FHIP1A: variants seen among roughly 807,000 people sequenced by gnomAD.
FHIP1A encodes the protein FHF complex subunit HOOK-interacting protein 1A.
FHIP1A carries 61 observed loss-of-function variants against 88.6 expected under a neutral mutation model. That is an observed-to-expected ratio of 0.69 (90% confidence interval 0.56 to 0.85). The LOEUF is 0.85. Among genes scored for constraint, FHIP1A ranks in the 40% least tolerant of loss-of-function variants. FHIP1A has a pLI of 0.00. For synonymous variants in FHIP1A, 478 were observed against 496.0 expected, an observed-to-expected ratio of 0.96 and a Z score of 0.48; for missense variants, 1,154 against 1,273.5, an observed-to-expected ratio of 0.91 and a Z score of 1.43.
chr4:151,658,029 G>C (rs933969474), intron 13 of FHIP1A, among the ~76,000 whole-genome samples: 1 of 152,186 alleles, frequency 6.6e-6, no homozygotes, highest in African/African-American at 2.4e-5. Flanking sequence ...TGAAAGAAAG[G>C]TAGGCCATGT....
intron 2 of FHIP1A, among the ~76,000 whole-genome samples, chr4:151,460,752 A>G (rs1729118712): frequency 6.6e-6 from 1 of 152,220 alleles, no homozygotes; most frequent in Non-Finnish European, 1.5e-5. Flanking sequence ...TGAAGAATTT[A>G]AGATCATGAT....
At chr4:151,478,889 G>A (rs1471598037) in intron 2 of FHIP1A, among the ~76,000 whole-genome samples, 1 of 152,034 alleles carries the variant, frequency 6.6e-6, no homozygotes, top group East Asian at 1.9e-4. Flanking sequence ...TATTCTTGGT[G>A]TATTTCTAAG....
At chr4:151,432,722 A>G (rs1263040350) in intron 1 of FHIP1A, among the ~76,000 whole-genome samples, 1 of 152,120 alleles carries the variant, frequency 6.6e-6, no homozygotes, top group Non-Finnish European at 1.5e-5. Flanking sequence ...CTCATGAGGA[A>G]ACTGAGGGAT....
chr4:151,434,441 T>C (rs1206340056), intron 1 of FHIP1A, among the ~76,000 whole-genome samples: 1 of 152,198 alleles, frequency 6.6e-6, no homozygotes, highest in African/African-American at 2.4e-5. Context: ...AACTTTTCTT[T>C]GATAGCTTTA....
intron 1 of FHIP1A, among the ~76,000 whole-genome samples, chr4:151,448,644 C>T (rs564414735): frequency 6.6e-6 from 1 of 152,256 alleles, no homozygotes; most frequent in East Asian, 1.9e-4. Context: ...GAATTTTCTT[C>T]CTTCTTGATG....
intron 7 of FHIP1A, among the ~76,000 whole-genome samples, chr4:151,599,859 G>GA (rs1734795962): frequency 6.6e-6 from 1 of 152,164 alleles, no homozygotes; most frequent in African/African-American, 2.4e-5. Context: ...TTATTATAGA[G>GA]ACCTCTTTCC....
intron 2 of FHIP1A, among the ~76,000 whole-genome samples, chr4:151,478,897 A>G (rs910490819): frequency 1.3e-5 from 2 of 152,092 alleles, no homozygotes; most frequent in African/African-American, 4.8e-5. Context: ...GTGTATTTCT[A>G]AGATACTTGT....
At position 151,524,877 on chromosome 4, in the gene FHIP1A, A is replaced by C. The variant is rs1580666814; in HGVS notation, c.-122-41261A>C. ...AGTGTTGCCTGTTCGACATGTAGAA[A>C]CTTGAGGCTCTTTGGTTTTGAACTA... On this transcript the variant is annotated intron_variant, in intron 3 of 13. Transcript: ENST00000435205. 3.3e-5 allele frequency among the ~76,000 whole-genome samples: 5 copies of C among 152,304 alleles called. No homozygotes were observed. The South Asian group carries it at 1.0e-3, about 32-fold the overall frequency.
At chr4:151,453,625 C>T (rs1056266542) in intron 1 of FHIP1A, among the ~76,000 whole-genome samples, 17 of 152,122 alleles carry the variant, frequency 1.1e-4, no homozygotes, top group Admixed American at 2.0e-4. Context: ...AACCTGATTT[C>T]GGATCACCTG....
intron 7 of FHIP1A, among the ~76,000 whole-genome samples, chr4:151,615,393 C>T (rs1293451134): frequency 6.6e-6 from 1 of 152,178 alleles, no homozygotes; most frequent in East Asian, 1.9e-4. Context: ...TAATACCTAC[C>T]TACCATTTTA....
intron 7 of FHIP1A, among the ~76,000 whole-genome samples, chr4:151,620,812 T>C (rs745686137): frequency 2.0e-5 from 3 of 149,382 alleles, no homozygotes; most frequent in African/African-American, 4.9e-5. Context: ...TACCAAACGA[T>C]TGGGTTCTTA....
intron 1 of FHIP1A, 99 bp from the exon 2 acceptor site, chr4:151,454,602 A>G (rs1728905753): frequency 6.6e-6 from 1 of 152,192 alleles, no homozygotes; most frequent in African/African-American, 2.4e-5. Context: ...GTTGAGGCAA[A>G]TTAGGCCTTA....
At chr4:151,572,068 G>A (rs1476931018) in intron 4 of FHIP1A, among the ~76,000 whole-genome samples, 4 of 152,188 alleles carry the variant, frequency 2.6e-5, no homozygotes, top group African/African-American at 9.7e-5. Flanking sequence ...TTAGCCAGGT[G>A]TGGTGGCACA....
intron 3 of FHIP1A, among the ~76,000 whole-genome samples, chr4:151,559,819 A>G (rs1733101570): frequency 1.3e-5 from 2 of 152,306 alleles, no homozygotes; most frequent in South Asian, 4.2e-4. Flanking sequence ...GTCAGACTCC[A>G]TGATATCTGT....
intron 2 of FHIP1A, among the ~76,000 whole-genome samples, chr4:151,469,106 CA>C (rs1338067637): frequency 6.6e-6 from 1 of 152,164 alleles, no homozygotes; most frequent in Non-Finnish European, 1.5e-5. Flanking sequence ...CCTCTTCCCT[CA>C]AAAAAGCTGA....
intron 1 of FHIP1A, among the ~76,000 whole-genome samples, chr4:151,427,113 A>T (rs1733409732): frequency 6.6e-6 from 1 of 152,182 alleles, no homozygotes; most frequent in African/African-American, 2.4e-5. Flanking sequence ...CCTAAACTTT[A>T]GTACCTTAAT....
intron 1 of FHIP1A, among the ~76,000 whole-genome samples, chr4:151,422,704 A>G (rs1191427608): frequency 1.3e-5 from 2 of 152,152 alleles, no homozygotes; most frequent in African/African-American, 4.8e-5. Context: ...GACACTTTTC[A>G]GTGGAGGTAC....
At chr4:151,567,933 G>A (rs1733451504) in intron 4 of FHIP1A, among the ~76,000 whole-genome samples, 1 of 152,064 alleles carries the variant, frequency 6.6e-6, no homozygotes, top group Non-Finnish European at 1.5e-5. Flanking sequence ...TTATTCGTTT[G>A]CGCATAATAC....
intron 3 of FHIP1A, among the ~76,000 whole-genome samples, chr4:151,555,798 C>G (rs796995838): frequency 2.6e-5 from 4 of 152,190 alleles, no homozygotes; most frequent in African/African-American, 9.6e-5. Context: ...GACTGAATTG[C>G]TCAAGTCAGC....
Sources: gnomAD v4.1 joint callset for allele counts (sites outside exome capture counted in the v4.1 genomes callset) on GRCh38, gnomAD v4.1.1 for gene constraint, MANE v1.5 for transcripts, NCBI Gene and HGNC (gene_info 2026-07-23, HGNC 2026-07-21) for gene names.